The following DOCK1 variants were observed in gnomAD, a reference collection of about 807,000 sequenced individuals.
DOCK1 encodes the protein dedicator of cytokinesis 1.
Under a neutral mutation model 262.7 loss-of-function variants are expected in DOCK1, and 138 were observed. That is an observed-to-expected ratio of 0.53 (90% CI 0.46 to 0.61). The LOEUF (loss-of-function observed/expected upper bound fraction) is 0.61. DOCK1 is among the 20% of genes least tolerant of loss of function. DOCK1 has a pLI of 0.00. For synonymous variants in DOCK1, 866 were observed against 867.4 expected, an observed-to-expected ratio of 1.00 and a Z score of 0.03; for missense variants, 1,908 against 2,370.7, an observed-to-expected ratio of 0.80 and a Z score of 4.05.
chr10:126,951,146 T>C (rs1010415904), intron 1 of DOCK1, among the ~76,000 whole-genome samples: 11 of 151,520 alleles, frequency 7.3e-5, no homozygotes, highest in Non-Finnish European at 1.0e-4. Context: ...AGCATGGTTG[T>C]TGGTGGTAGT....
At position 127,253,703 on chromosome 10, in the gene DOCK1, A is replaced by C. The variant is rs531010111; in HGVS notation, c.2950-3632A>C. Among the ~76,000 whole-genome samples the C allele has an allele frequency of 2.0e-4, 31 of 152,020 alleles. No individual in the cohort carries two copies. The East Asian group carries it at 3.9e-3, about 19-fold the overall frequency. On this transcript the variant is annotated intron_variant, in intron 28 of 51. Transcript: ENST00000623213. ...AGCCTGTGCCACATAGTGAGACCCC[A>C]TTTCTACAAAAAATATAAAAAAATA... is the stretch of plus-strand genomic sequence containing the variant.
intron 31 of DOCK1, among the ~76,000 whole-genome samples, chr10:127,351,073 G>A (rs568107862): frequency 2.3e-3 from 348 of 152,286 alleles, no homozygotes; most frequent in African/African-American, 7.7e-3. Context: ...GCTATCACTC[G>A]GGGGTATGTT....
intron 1 of DOCK1, among the ~76,000 whole-genome samples, chr10:126,925,536 A>G (rs975916527): frequency 6.6e-6 from 1 of 151,886 alleles, no homozygotes; most frequent in African/African-American, 2.4e-5. Flanking sequence ...GGCGCCCACC[A>G]CCACGCCCAG....
intron 21 of DOCK1, among the ~76,000 whole-genome samples, chr10:127,050,430 C>T (rs2044644109): frequency 2.0e-5 from 3 of 151,748 alleles, no homozygotes; most frequent in Admixed American, 6.6e-5. Flanking sequence ...TTTTTATGCC[C>T]TGCTGGGTGC....
intron 25 of DOCK1, among the ~76,000 whole-genome samples, chr10:127,117,276 T>A (rs552080548): frequency 6.6e-6 from 1 of 152,324 alleles, no homozygotes; most frequent in Non-Finnish European, 1.5e-5. Flanking sequence ...ATTATCTCAA[T>A]GCTCAGATAA....
chr10:127,405,623 C>A (rs1202320830), intron 40 of DOCK1, among the ~76,000 whole-genome samples: 2 of 152,114 alleles, frequency 1.3e-5, no homozygotes, highest in African/African-American at 4.8e-5. Flanking sequence ...TTTCCGACTC[C>A]ACGGGAGTCA....
At chr10:127,013,696 C>CAT (rs2041647813) in intron 12 of DOCK1, 1 of 152,192 alleles carries the variant, frequency 6.6e-6, no homozygotes, top group African/African-American at 2.4e-5. Flanking sequence ...GAGGAGTGGG[C>CAT]ATTTTCAAGT....
At position 127,233,676 on chromosome 10, in the gene DOCK1, A is replaced by C. The variant is rs78831084; in HGVS notation, c.2848-14332A>C. The stretch of plus-strand genomic sequence containing the variant: ...GAGTTATATGCGGGCTTCTAGAACA[A>C]TGTCCAAAACACAGTGTGCCTTCGC... On this transcript the variant is annotated intron_variant, in intron 27 of 51. Coordinates refer to ENST00000623213, the MANE Select transcript of DOCK1 (RefSeq NM_001290223.2). Among the ~76,000 whole-genome samples the C allele has an allele frequency of 6.1e-3, 933 of 152,338 alleles. 15 individuals are homozygous for C. The highest frequency in any genetic ancestry group is 0.021 in the African/African-American group (888 of 41,574).
chr10:127,096,893 T>C (rs2047940463), intron 23 of DOCK1, among the ~76,000 whole-genome samples: 1 of 151,924 alleles, frequency 6.6e-6, no homozygotes, highest in African/African-American at 2.4e-5. Flanking sequence ...GATCACGAGG[T>C]CAGGAGTTCA....
At chr10:127,250,715 C>T (rs1344230038) in intron 28 of DOCK1, among the ~76,000 whole-genome samples, 5 of 134,546 alleles carry the variant, frequency 3.7e-5, no homozygotes, top group African/African-American at 1.4e-4. Flanking sequence ...TGGCTGGAAC[C>T]CGGGAGGCAG....
At chr10:127,230,093 C>A (rs1178739922) in intron 27 of DOCK1, among the ~76,000 whole-genome samples, 5 of 152,162 alleles carry the variant, frequency 3.3e-5, no homozygotes, top group East Asian at 3.8e-4. Context: ...ATTTCCTTTG[C>A]CCCTTTTTAA....
intron 23 of DOCK1, among the ~76,000 whole-genome samples, chr10:127,074,273 A>G (rs1355096610): frequency 6.6e-6 from 1 of 152,250 alleles, no homozygotes; most frequent in African/African-American, 2.4e-5. Context: ...TTAGGAGGTT[A>G]GAAAGTCACA....
intron 29 of DOCK1, among the ~76,000 whole-genome samples, chr10:127,310,094 C>G (rs190319828): frequency 1.3e-5 from 2 of 152,100 alleles, no homozygotes; most frequent in Non-Finnish European, 2.9e-5. Flanking sequence ...AGGCTGGTCT[C>G]GAACTCCCAA....
At chr10:126,919,593 G>A (rs1349173069) in intron 1 of DOCK1, among the ~76,000 whole-genome samples, 8 of 152,166 alleles carry the variant, frequency 5.3e-5, no homozygotes, top group South Asian at 2.1e-4. Flanking sequence ...AGGTGACCCC[G>A]ATGACGGTCT....
chr10:127,447,366 T>C, intron 50 of DOCK1, 28 bp from the exon 51 acceptor site: 2 of 1,604,136 alleles, frequency 1.2e-6, no homozygotes, highest in Non-Finnish European at 1.7e-6. Flanking sequence ...GAAGTCGGGC[T>C]GATTTTAAAT....
intron 29 of DOCK1, among the ~76,000 whole-genome samples, chr10:127,285,147 T>C (rs2061103304): frequency 6.6e-6 from 1 of 152,180 alleles, no homozygotes; most frequent in South Asian, 2.1e-4. Context: ...ACATAAATAA[T>C]AAATCAATAT....
At position 127,170,829 on chromosome 10, in the gene DOCK1, G is replaced by A. The variant is rs571214105; in HGVS notation, c.2847+43065G>A. Among the ~76,000 whole-genome samples, 6 of 152,306 alleles carry A rather than the reference G, an allele frequency of 3.9e-5. No individual in the cohort carries two copies. The South Asian group carries it at 1.0e-3, about 26-fold the overall frequency. On this transcript the variant is annotated intron_variant, in intron 27 of 51. Transcript: ENST00000623213. ...CCCTGAACTTCCCCAGAAGACACAA[G>A]CATAATACTAAGAGCTCTGAAATAA...
At position 127,029,584 on chromosome 10, in the gene DOCK1, C is replaced by T. The variant is rs114432134; in HGVS notation, c.1625-2066C>T. On this transcript the variant is annotated intron_variant, in intron 16 of 51. Coordinates refer to ENST00000623213, the MANE Select transcript of DOCK1 (RefSeq NM_001290223.2). ...ATTGTAGTGGGCTTGTTGGGTAGGGCGGCCTAGAGAATGGGCAGCTCTACC... is the reference window on the plus strand; with the variant it reads ...ATTGTAGTGGGCTTGTTGGGTAGGGTGGCCTAGAGAATGGGCAGCTCTACC... Among the ~76,000 whole-genome samples, 1,497 of 152,240 alleles carry T rather than the reference C, an allele frequency of 9.8e-3. 15 individuals carry two copies. The highest frequency in any genetic ancestry group is 0.027 in the African/African-American group (1,102 of 41,538).
intron 10 of DOCK1, among the ~76,000 whole-genome samples, chr10:127,004,084 C>G (rs1318195929): frequency 6.6e-6 from 1 of 151,736 alleles, no homozygotes; most frequent in African/African-American, 2.4e-5. Context: ...GAAACCCTGT[C>G]TCTACTAAAG....
Sources: gnomAD v4.1 joint callset for allele counts (sites outside exome capture counted in the v4.1 genomes callset) on GRCh38, gnomAD v4.1.1 for gene constraint, MANE v1.5 for transcripts, NCBI Gene and HGNC (gene_info 2026-07-23, HGNC 2026-07-21) for gene names.